UQCRC2: variants seen among roughly 807,000 people sequenced by gnomAD.
The protein encoded by UQCRC2 is ubiquinol-cytochrome c reductase core protein 2.
UQCRC2 carries 49 observed loss-of-function variants against 55.6 expected under a neutral mutation model. The observed-to-expected ratio is 0.88, with a 90% CI of 0.70 to 1.12. The LOEUF is 1.12. Among genes scored for constraint, UQCRC2 ranks in the 50% most tolerant of loss-of-function variants. The pLI is 0.00. For synonymous variants in UQCRC2, 193 were observed against 192.0 expected (o/e 1.01, Z -0.04); for missense variants, 506 against 547.8 (o/e 0.92, Z 0.76).
At chr16:21,964,720 A>G (rs1898284801) in intron 6 of UQCRC2, among the ~76,000 whole-genome samples, 1 of 152,190 alleles carries the variant, frequency 6.6e-6, no homozygotes, top group Non-Finnish European at 1.5e-5. Flanking sequence ...CCTCTACTGC[A>G]CTTTTGACAC....
In UQCRC2 at chr16:21,976,198, C is replaced by T; in HGVS notation, c.1079C>T (p.Thr360Ile). 6.2e-7 allele frequency: 1 copy of T among 1,614,000 alleles called. No individual in the cohort carries two copies. Among genetic ancestry groups the T allele is most frequent in the Non-Finnish European group, 8.5e-7 (1 of 1,179,894 alleles). Residue 360 changes from threonine to isoleucine, a missense_variant, in exon 12 of 14, where the codon ACA becomes ATA. Coordinates refer to ENST00000268379, the MANE Select transcript of UQCRC2 (RefSeq NM_003366.4). ...VIKAAYNQVK[T>I]IAQGNLSNTD... The stretch of plus-strand genomic sequence containing the variant: ...AAGGCTGCCTATAATCAAGTAAAAA[C>T]AATAGCTCAAGGAAACCTTTCCAAC...
chr16:21,969,170 G>A (rs1290856168), intron 8 of UQCRC2, among the ~76,000 whole-genome samples: 1 of 152,144 alleles, frequency 6.6e-6, no homozygotes, highest in East Asian at 1.9e-4. Flanking sequence ...GGAGAAATAG[G>A]CACTCTCACA....
At chr16:21,982,476 T>C (rs1318744378) in intron 13 of UQCRC2, among the ~76,000 whole-genome samples, 1 of 152,166 alleles carries the variant, frequency 6.6e-6, no homozygotes, top group Non-Finnish European at 1.5e-5. Flanking sequence ...TATTTGACAG[T>C]GTCAGTGTTG....
At position 21,965,424 on chromosome 16, in the gene UQCRC2, G is replaced by A. The variant is rs1898302192; in HGVS notation, c.531G>A (p.Leu177=). The stretch of plus-strand genomic sequence containing the variant: ...ATCTCACAGATGTCATTGAAAATTT[G>A]CATGCAGCAGCTTACCGGAATGCCT... ...QNPQTHVIEN[L]HAAAYRNALA... Residue 177 remains leucine (L), a synonymous_variant, in exon 7 of 14, where the codon TTG becomes TTA. Transcript: ENST00000268379. 1 of 1,613,734 alleles carries A rather than the reference G, an allele frequency of 6.2e-7. No individual in the cohort carries two copies.
intron 4 of UQCRC2, among the ~76,000 whole-genome samples, chr16:21,960,157 C>G (rs1898166876): frequency 6.6e-6 from 1 of 152,216 alleles, no homozygotes. Context: ...CGGCATCTTC[C>G]AATGTAAGGC....
intron 11 of UQCRC2, 49 bp downstream of exon 11, chr16:21,974,025 C>T: frequency 6.8e-7 from 1 of 1,473,598 alleles, no homozygotes; most frequent in Non-Finnish European, 9.2e-7. Context: ...TTATTTCTCC[C>T]CCCCGCCATA....
chr16:21,960,204 G>GCCAC (rs778670202), intron 4 of UQCRC2, among the ~76,000 whole-genome samples: 6 of 152,178 alleles, frequency 3.9e-5, no homozygotes, highest in African/African-American at 9.7e-5. Context: ...GTTTAGTGTA[G>GCCAC]CCACCTTCAT....
chr16:21,975,586 T>A (rs1252657546), intron 11 of UQCRC2, among the ~76,000 whole-genome samples: 6 of 152,162 alleles, frequency 3.9e-5, no homozygotes, highest in African/African-American at 1.4e-4. Flanking sequence ...CCCCGGAACT[T>A]TATTCTTTCT....
intron 8 of UQCRC2, among the ~76,000 whole-genome samples, chr16:21,969,419 A>C (rs1254201692): frequency 6.6e-6 from 1 of 152,138 alleles, no homozygotes; most frequent in East Asian, 1.9e-4. Flanking sequence ...CTGTAATCCC[A>C]GCTATCGGGG....
At chr16:21,968,898 C>A (rs1898391700) in intron 8 of UQCRC2, among the ~76,000 whole-genome samples, 2 of 152,170 alleles carry the variant, frequency 1.3e-5, no homozygotes, top group African/African-American at 2.4e-5. Context: ...GCTTTAAATT[C>A]TTTACAGTAT....
intron 8 of UQCRC2, among the ~76,000 whole-genome samples, chr16:21,970,120 G>A (rs1037860881): frequency 5.3e-5 from 8 of 152,044 alleles, no homozygotes; most frequent in African/African-American, 1.7e-4. Context: ...TTCAAGGTCC[G>A]TCCATATTGT....
At chr16:21,961,669 T>TA (rs1208690779) in intron 4 of UQCRC2, among the ~76,000 whole-genome samples, 162 of 128,894 alleles carry the variant, frequency 1.3e-3, no homozygotes, top group Non-Finnish European at 2.4e-3. Context: ...TATATATATA[T>TA]TTTAGACAGT....
intron 11 of UQCRC2, among the ~76,000 whole-genome samples, chr16:21,974,560 T>C (rs1567477790): frequency 6.6e-6 from 1 of 152,182 alleles, no homozygotes; most frequent in Non-Finnish European, 1.5e-5. Flanking sequence ...ATGGGTGATC[T>C]TAACAGTTTT....
In UQCRC2 at chr16:21,983,178, T is replaced by TG; in HGVS notation, c.*8dup. 1 of 1,612,790 alleles carries TG rather than the reference T, an allele frequency of 6.2e-7. No homozygotes were observed. Among genetic ancestry groups the TG allele is most frequent in the Non-Finnish European group, 8.5e-7 (1 of 1,178,832 alleles). On this transcript the variant is annotated 3_prime_UTR_variant, in exon 14 of 14. Transcript: ENST00000268379. ...TTTTGTTGATGAGTTGTAATACTGA[T>TG]GCACACATTACAGGAGAGAGCTGAA...
chr16:21,965,672 T>C (rs1898308377), intron 7 of UQCRC2, 167 bp downstream of exon 7: 1 of 533,006 alleles, frequency 1.9e-6, no homozygotes. Context: ...ATCTGAACAA[T>C]TTTTGTGTCT....
At chr16:21,961,418 G>A (rs920834274) in intron 4 of UQCRC2, 1 of 336,802 alleles carries the variant, frequency 3.0e-6, no homozygotes, top group African/African-American at 2.2e-5. Flanking sequence ...TAGCACAACT[G>A]AAGGGCAAAA....
chr16:21,954,219 A>G (rs2083487618), intron 1 of UQCRC2, among the ~76,000 whole-genome samples: 1 of 152,130 alleles, frequency 6.6e-6, no homozygotes, highest in African/African-American at 2.4e-5. Context: ...ATTTAGTTGC[A>G]ACAACTTGTA....
intron 7 of UQCRC2, among the ~76,000 whole-genome samples, chr16:21,965,833 C>G (rs937850153): frequency 6.6e-6 from 1 of 152,122 alleles, no homozygotes; most frequent in Non-Finnish European, 1.5e-5. Context: ...AAACCGTTTT[C>G]TGTGTGTATG....
chr16:21,978,739 A>G (rs1322064794), intron 12 of UQCRC2, among the ~76,000 whole-genome samples: 1 of 152,220 alleles, frequency 6.6e-6, no homozygotes, highest in African/African-American at 2.4e-5. Context: ...AAGAAATAGA[A>G]TGGAGGCCAT....
Sources: allele counts gnomAD v4.1 joint callset (sites outside exome capture counted in the v4.1 genomes callset), GRCh38; gene constraint gnomAD v4.1.1; transcripts MANE v1.5; gene names NCBI Gene and HGNC (gene_info 2026-07-23, HGNC 2026-07-21).